HMMR: variants seen among roughly 807,000 people sequenced by gnomAD.
HMMR encodes the protein intracellular hyaluronic acid-binding protein.
In HMMR, 108 loss-of-function variants were observed where a neutral mutation model predicts 101.0. The ratio of observed to expected loss-of-function variants is 1.07; its 90% CI spans 0.92 to 1.25. The LOEUF (loss-of-function observed/expected upper bound fraction) is 1.25. Ranked by LOEUF, HMMR falls within the 50% of genes most tolerant of loss-of-function variation. HMMR has a pLI of 0.00. For synonymous variants in HMMR, 296 were observed against 276.4 expected (o/e 1.07, Z -0.70); for missense variants, 813 against 788.7 (o/e 1.03, Z -0.37).
At chr5:163,475,728 G>A in intron 11 of HMMR, 56 bp downstream of exon 11, 1 of 861,256 alleles carries the variant, frequency 1.2e-6, no homozygotes, top group Non-Finnish European at 1.7e-6. Context: ...TTTATTTTGA[G>A]TACTTTTTTT....
chr5:163,462,093 G>T (rs1207341393), intron 1 of HMMR, among the ~76,000 whole-genome samples: 1 of 152,142 alleles, frequency 6.6e-6, no homozygotes, highest in African/African-American at 2.4e-5. Flanking sequence ...TATTTTCTTA[G>T]TTAAAAGACT....
rs371014047 is a variant in HMMR at position 163,472,896 on chromosome 5, A to G, written c.651-283A>G. ...TGGGTGGGGAAACCAGGAAGACCACAAAAAGAATATTATTTCTAACACTTG... is the reference window on the plus strand; with the variant it reads ...TGGGTGGGGAAACCAGGAAGACCACGAAAAGAATATTATTTCTAACACTTG... On this transcript the variant is annotated intron_variant, in intron 7 of 17. Transcript: ENST00000393915. 3.2e-4 allele frequency among the ~76,000 whole-genome samples: 49 copies of G among 152,278 alleles called. No individual in the cohort carries two copies. In the South Asian group the frequency reaches 0.01, roughly 32 times the overall value.
chr5:163,475,674 T>G lies in HMMR; in HGVS notation c.1268+2T>G. ...ACTCCTAGAAGAAAAGCTGAAAGGG[T>G]TTGTATTAATAGGATCTCATGTTTA... On this transcript the variant is annotated splice_donor_variant, in intron 11 of 17. Coordinates refer to ENST00000393915, the MANE Select transcript of HMMR (RefSeq NM_001142556.2). LOFTEE classifies it high-confidence loss of function. 6.5e-7 allele frequency: 1 copy of G among 1,536,714 alleles called. No individual in the cohort carries two copies. Among genetic ancestry groups the G allele is most frequent in the Non-Finnish European group, 9.0e-7 (1 of 1,114,760 alleles).
At position 163,474,124 on chromosome 5, in the gene HMMR, G is replaced by C; in HGVS notation, c.972G>C (p.Gln324His). The change falls in exon 10 of 18, where the codon CAG (glutamine) becomes CAC (histidine). Residue 324 changes from glutamine to histidine, a missense_variant. Gln to His is a conservative substitution (Grantham distance 24). Coordinates refer to ENST00000393915, the MANE Select transcript of HMMR (RefSeq NM_001142556.2). ...ATGCAGAGATGCAAAACTTAAAACA[G>C]AAGTTTATTCTTGAACAACAGGAAC... ...NLNAEMQNLKQKFILEQQERE... is the reference protein window; with the variant it reads ...NLNAEMQNLKHKFILEQQERE... 1 of 1,610,886 alleles carries C rather than the reference G, an allele frequency of 6.2e-7. No individual in the cohort carries two copies. The highest frequency in any genetic ancestry group is 8.5e-7 in the Non-Finnish European group (1 of 1,177,730).
chr5:163,491,086 A>G (rs1419488483), intron 17 of HMMR, 26 bp from the exon 18 acceptor site: 4 of 1,432,490 alleles, frequency 2.8e-6, no homozygotes, highest in Admixed American at 2.2e-5. Flanking sequence ...TAGATTACTA[A>G]TCCTTCTTTT....
Position 163,460,745 on chromosome 5 carries a change from AAG to A in HMMR, c.46+8_46+9del. 6.2e-7 allele frequency: 1 copy of A among 1,606,166 alleles called. No homozygotes were observed. The highest frequency in any genetic ancestry group is 8.5e-7 in the Non-Finnish European group (1 of 1,176,138). ...CGATTCAATGACCCTTCTGGTGCGT[AAG>A]GGGGAAAGAGCTGGGGGACGGGAGA... On this transcript the variant is annotated splice_region_variant and intron_variant, in intron 1 of 17. Coordinates refer to ENST00000393915, the MANE Select transcript of HMMR (RefSeq NM_001142556.2).
At chr5:163,484,312 A>C (rs770776508) in intron 16 of HMMR, 67 bp downstream of exon 16, 15 of 734,786 alleles carry the variant, frequency 2.0e-5, no homozygotes, top group Non-Finnish European at 3.0e-5. Flanking sequence ...TATAATACTT[A>C]AATAAAATGA....
At chr5:163,462,233 A>G (rs1758563888) in intron 1 of HMMR, among the ~76,000 whole-genome samples, 1 of 152,050 alleles carries the variant, frequency 6.6e-6, no homozygotes, top group South Asian at 2.1e-4. Context: ...TATCAAAGAT[A>G]TAGTATTTCA....
In HMMR at chr5:163,481,646, G is replaced by A. The variant is rs115164283; in HGVS notation, c.1386-996G>A. ...CATCATCTTCCCAGCTTTTCATTCT[G>A]TAAATCTTAGAGTCATCCTTCATCA... is the stretch of plus-strand genomic sequence containing the variant. On this transcript the variant is annotated intron_variant, in intron 12 of 17. Coordinates refer to ENST00000393915, the MANE Select transcript of HMMR (RefSeq NM_001142556.2). Among the ~76,000 whole-genome samples the A allele has an allele frequency of 1.4e-3, 215 of 152,060 alleles. 1 individual carries two copies. The highest frequency in any genetic ancestry group is 4.9e-3 in the African/African-American group (204 of 41,490).
In HMMR at chr5:163,471,440, A is replaced by G. The variant is rs748622236; in HGVS notation, c.627A>G (p.Lys209=). The change falls in exon 7 of 18, where the codon AAA becomes AAG. Residue 209 remains lysine (K), a synonymous_variant. Coordinates refer to ENST00000393915, the MANE Select transcript of HMMR (RefSeq NM_001142556.2). Reference sequence around the variant, plus strand: ...GGAGTCTCGAAGAGTCTCAAGGGAAAATAGCCCAACTGGAGGGAAAACTGT... The same window carrying G: ...GGAGTCTCGAAGAGTCTCAAGGGAAGATAGCCCAACTGGAGGGAAAACTGT... ...TQRSLEESQG[K]IAQLEGKLVS... 4 of 1,613,208 alleles carry G rather than the reference A, an allele frequency of 2.5e-6. No individual in the cohort carries two copies. The highest frequency in any genetic ancestry group is 3.4e-6 in the Non-Finnish European group (4 of 1,179,214).
intron 16 of HMMR, among the ~76,000 whole-genome samples, chr5:163,486,188 A>T (rs1266046159): frequency 6.6e-6 from 1 of 152,192 alleles, no homozygotes; most frequent in Non-Finnish European, 1.5e-5. Context: ...TGGGATTCTG[A>T]TGGGAATTGC....
Position 163,478,685 on chromosome 5 carries a change from A to C in HMMR, c.1270A>C (p.Lys424Gln). The change falls in exon 12 of 18, where the codon AAG becomes CAG. Residue 424 changes from lysine (K) to glutamine (Q), a missense_variant and splice_region_variant. Physicochemically the swap from Lys to Gln is moderately conservative, Grantham distance 53. Coordinates refer to ENST00000393915, the MANE Select transcript of HMMR (RefSeq NM_001142556.2). ...CTTTCAATTATTTCTTTTTCTTAGG[A>C]AGGAGGCTGAACTGGAGAAAAGTAG... ...LKLLEEKLKG[K>Q]EAELEKSSAA... The C allele has an allele frequency of 6.3e-7, 1 of 1,587,806 alleles. No homozygotes were observed. The highest frequency in any genetic ancestry group is 8.6e-7 in the Non-Finnish European group (1 of 1,156,604).
At position 163,469,827 on chromosome 5, in the gene HMMR, A is replaced by T; in HGVS notation, c.460A>T (p.Lys154Ter). The T allele has an allele frequency of 6.4e-7, 1 of 1,570,220 alleles. No individual in the cohort carries two copies. The highest frequency in any genetic ancestry group is 8.7e-7 in the Non-Finnish European group (1 of 1,146,664). The change falls in exon 5 of 18, where the codon AAG becomes TAG. Residue 154 changes from lysine (K) to a stop codon, truncating the protein, a stop_gained and splice_region_variant. Coordinates refer to ENST00000393915, the MANE Select transcript of HMMR (RefSeq NM_001142556.2). LOFTEE classifies it high-confidence loss of function. ...LTRTNELLKS[K>*]FSENGNQKNL... Reference sequence around the variant, plus strand: ...CAGGACTAATGAACTACTAAAATCTAAGGTATCTGAGCCTCATGATAATAT... The same window carrying T: ...CAGGACTAATGAACTACTAAAATCTTAGGTATCTGAGCCTCATGATAATAT...
rs140371330 is a variant in HMMR at position 163,483,323 on chromosome 5, C to T, written c.1741C>T (p.Arg581Cys). 689 of 1,608,430 alleles carry T rather than the reference C, an allele frequency of 4.3e-4. 2 individuals carry two copies. The African/African-American group carries it at 6.9e-3, about 16-fold the overall frequency. Reference protein sequence around the residue: ...AELTEEINKWRLLYEELYNKT... With the variant: ...AELTEEINKWCLLYEELYNKT... The stretch of plus-strand genomic sequence containing the variant: ...ATTAACTGAAGAAATTAACAAGTGG[C>T]GTCTCCTCTATGAAGAACTATATAA... Residue 581 changes from arginine (R) to cysteine (C), a missense_variant, in exon 15 of 18, where the codon CGT (arginine) becomes TGT (cysteine). Coordinates refer to ENST00000393915, the MANE Select transcript of HMMR (RefSeq NM_001142556.2).
intron 11 of HMMR, among the ~76,000 whole-genome samples, chr5:163,477,010 G>A (rs1227842467): frequency 6.6e-6 from 1 of 152,162 alleles, no homozygotes; most frequent in East Asian, 1.9e-4. Flanking sequence ...CAGCCTGGGC[G>A]ACAGAGGGAG....
chr5:163,463,562 T>G (rs1247794808), intron 1 of HMMR, among the ~76,000 whole-genome samples: 1 of 152,236 alleles, frequency 6.6e-6, no homozygotes, highest in African/African-American at 2.4e-5. Context: ...ATTTGCTATA[T>G]TCAATCCTTA....
chr5:163,482,943 G>C (rs75873094), intron 13 of HMMR, 77 bp from the exon 14 acceptor site: 1 of 1,392,898 alleles, frequency 7.2e-7, no homozygotes, highest in Admixed American at 2.3e-5. Flanking sequence ...GTTCCTTGAG[G>C]TTTAAAGAAA....
rs752901172 is a variant in HMMR, at chr5:163,463,886, T to C, written c.77T>C (p.Val26Ala). The C allele has an allele frequency of 1.0e-5, 15 of 1,491,394 alleles. No individual in the cohort carries two copies. Among genetic ancestry groups the C allele is most frequent in the Non-Finnish European group, 1.3e-5 (15 of 1,118,224 alleles). The allele number at this position is 1,491,394 out of a possible 1,614,324, so 92.4% of individuals were successfully genotyped here. A position where few individuals can be genotyped will look rare whatever the true frequency, so the allele number is the denominator to read the frequency against. The change falls in exon 2 of 18, where the codon GTT becomes GCT. Residue 26 changes from valine to alanine, a missense_variant. Transcript: ENST00000393915. ...GCACCATCTCCAGGTGCTTATGATG[T>C]TAAAACTTTAGAAGTATTGAAAGGA... The part of the protein sequence containing the change: ...GCAPSPGAYD[V>A]KTLEVLKGPV...
rs919680577 is a variant in HMMR at position 163,489,777 on chromosome 5, G to A, written c.1963-613G>A. Among the ~76,000 whole-genome samples the A allele has an allele frequency of 1.1e-4, 16 of 152,166 alleles. 1 individual carries two copies. In the East Asian group the frequency reaches 1.5e-3, roughly 15 times the overall value. ...GATATAACTGCAGCCACAGGGAGCTGGGGACAAAATGAGAAACTCTGATGT... is the reference window on the plus strand; with the variant it reads ...GATATAACTGCAGCCACAGGGAGCTAGGGACAAAATGAGAAACTCTGATGT... On this transcript the variant is annotated intron_variant, in intron 16 of 17. Coordinates refer to ENST00000393915, the MANE Select transcript of HMMR (RefSeq NM_001142556.2).
Sources: allele counts gnomAD v4.1 joint callset (sites outside exome capture counted in the v4.1 genomes callset), GRCh38; gene constraint gnomAD v4.1.1; transcripts MANE v1.5; gene names NCBI Gene and HGNC (gene_info 2026-07-23, HGNC 2026-07-21).